Variants in CMTM8 observed in about 807,000 individuals in gnomAD.
The protein encoded by CMTM8 is CKLF-like MARVEL transmembrane domain-containing protein 8.
Under a neutral mutation model 18.6 loss-of-function variants are expected in CMTM8, and 12 were observed. The ratio of observed to expected loss-of-function variants is 0.65; its 90% CI spans 0.41 to 1.05. CMTM8 has a LOEUF of 1.05. Ranked by LOEUF, CMTM8 falls within the 50% of genes least tolerant of loss-of-function variation. The probability of loss-of-function intolerance (pLI) is 0.00; values close to 1 mark genes in which losing one functional copy is unlikely to be tolerated. For synonymous variants in CMTM8, 87 were observed against 90.6 expected (o/e 0.96, Z 0.23); for missense variants, 217 against 227.2 (o/e 0.95, Z 0.29).
At chr3:32,290,132 G>GAAAAT (rs1444938006) in intron 1 of CMTM8, among the ~76,000 whole-genome samples, 1 of 151,750 alleles carries the variant, frequency 6.6e-6, no homozygotes, top group African/African-American at 2.4e-5. Flanking sequence ...GAAAAGAAAA[G>GAAAAT]AAAAACAAAC....
intron 1 of CMTM8, among the ~76,000 whole-genome samples, chr3:32,308,049 A>T (rs1695750748): frequency 6.6e-6 from 1 of 152,226 alleles, no homozygotes; most frequent in African/African-American, 2.4e-5. Flanking sequence ...AGGAGAAGAG[A>T]GCAGAAAATA....
intron 1 of CMTM8, among the ~76,000 whole-genome samples, chr3:32,283,479 C>T (rs1052190568): frequency 3.9e-5 from 6 of 152,142 alleles, no homozygotes; most frequent in East Asian, 1.9e-4. Flanking sequence ...GCACGTCCCC[C>T]GGGAGTTAGC....
intron 2 of CMTM8, among the ~76,000 whole-genome samples, chr3:32,364,966 C>T (rs1389643203): frequency 2.6e-5 from 4 of 152,040 alleles, no homozygotes; most frequent in Non-Finnish European, 4.4e-5. Context: ...TTTTTCTTCT[C>T]CCCCTCCTCC....
At position 32,319,298 on chromosome 3, in the gene CMTM8, C is replaced by T. The variant is rs887091326; in HGVS notation, c.148-38075C>T. On this transcript the variant is annotated intron_variant, in intron 1 of 3. Coordinates refer to ENST00000307526, the MANE Select transcript of CMTM8 (RefSeq NM_178868.5). ...TTCACCATATTGGCCAGGCTGGTCT[C>T]GAACTCCTGACCTCAGGTGATCCGC... 4.0e-5 allele frequency among the ~76,000 whole-genome samples: 6 copies of T among 151,106 alleles called. No homozygotes were observed. The East Asian group carries it at 5.9e-4, about 15-fold the overall frequency.
chr3:32,310,178 G>A (rs940666389), intron 1 of CMTM8, among the ~76,000 whole-genome samples: 4 of 151,708 alleles, frequency 2.6e-5, no homozygotes, highest in Non-Finnish European at 5.9e-5. Context: ...TCTGTAAATC[G>A]AATTTATCAA....
At chr3:32,254,677 T>C (rs937699247) in intron 1 of CMTM8, among the ~76,000 whole-genome samples, 2 of 152,082 alleles carry the variant, frequency 1.3e-5, no homozygotes, top group Non-Finnish European at 2.9e-5. Context: ...TCCTTACCTA[T>C]TCCTGGCCAC....
At chr3:32,338,172 C>T (rs908785266) in intron 1 of CMTM8, among the ~76,000 whole-genome samples, 6 of 151,906 alleles carry the variant, frequency 3.9e-5, no homozygotes, top group Admixed American at 1.3e-4. Context: ...TTAGCAGAGA[C>T]GGGGTTTCAC....
rs941969383 is a variant in CMTM8, at chr3:32,369,808, A to T, written c.439-76A>T. On this transcript the variant is annotated intron_variant, in intron 3 of 3. Coordinates refer to ENST00000307526, the MANE Select transcript of CMTM8 (RefSeq NM_178868.5). ...GAAAAGGTAGTGAGTGGGTGATTCA[A>T]TGGAGGTGAAATGATAACTTTTGCT... The T allele has an allele frequency of 1.5e-5, 13 of 887,208 alleles. No individual in the cohort carries two copies. In the East Asian group the frequency reaches 2.3e-4, roughly 15 times the overall value. The allele number at this position is 887,208 out of a possible 1,614,324, so 55.0% of individuals were successfully genotyped here.
intron 1 of CMTM8, among the ~76,000 whole-genome samples, chr3:32,300,975 AT>A (rs34163874): frequency 0.26 from 39,355 of 148,814 alleles, 5,183 homozygotes; most frequent in Admixed American, 0.34. Context: ...AAAAAAAAAA[AT>A]CTTTTAATTT....
chr3:32,297,841 G>C (rs563095501), intron 1 of CMTM8, among the ~76,000 whole-genome samples: 2 of 151,922 alleles, frequency 1.3e-5, no homozygotes, highest in African/African-American at 4.8e-5. Context: ...TTGTGTGTGG[G>C]AAGGATTTGG....
chr3:32,305,124 A>G lies in CMTM8; in HGVS notation c.148-52249A>G, dbSNP rs867791910. 6.6e-5 allele frequency among the ~76,000 whole-genome samples: 10 copies of G among 152,292 alleles called. No individual in the cohort carries two copies. The Middle Eastern group carries it at 0.01, about 155-fold the overall frequency. On this transcript the variant is annotated intron_variant, in intron 1 of 3. Transcript: ENST00000307526. ...TGTTTCAAACATATTAAATGTTTCTACAAAGCCATCTTCGAGTTGTGGCTT... is the reference window on the plus strand; with the variant it reads ...TGTTTCAAACATATTAAATGTTTCTGCAAAGCCATCTTCGAGTTGTGGCTT...
intron 1 of CMTM8, among the ~76,000 whole-genome samples, chr3:32,330,311 G>A (rs988991431): frequency 2.0e-5 from 3 of 150,626 alleles, no homozygotes; most frequent in Non-Finnish European, 4.4e-5. Flanking sequence ...AAAGCCACAG[G>A]CCCCATGCTT....
At chr3:32,352,870 G>T (rs865812413) in intron 1 of CMTM8, among the ~76,000 whole-genome samples, 2 of 37,010 alleles carry the variant, frequency 5.4e-5, no homozygotes, top group South Asian at 4.8e-3. Flanking sequence ...TAAAACATAG[G>T]TTCTGTTTTT....
At chr3:32,330,419 C>T (rs1157347923) in intron 1 of CMTM8, among the ~76,000 whole-genome samples, 3 of 152,008 alleles carry the variant, frequency 2.0e-5, no homozygotes, top group African/African-American at 7.3e-5. Context: ...CTGTAGTGAA[C>T]TATAATCTCA....
chr3:32,255,792 T>G (rs77045717), intron 1 of CMTM8, among the ~76,000 whole-genome samples: 6,397 of 152,202 alleles, frequency 0.042, 473 homozygotes, highest in East Asian at 0.32. Flanking sequence ...TGACATGATC[T>G]TGGCTCACTG....
chr3:32,351,145 C>T (rs978717080), intron 1 of CMTM8, among the ~76,000 whole-genome samples: 23 of 152,128 alleles, frequency 1.5e-4, no homozygotes, highest in African/African-American at 5.1e-4. Flanking sequence ...AGCAGATGAA[C>T]ATGGGTGAAT....
intron 1 of CMTM8, among the ~76,000 whole-genome samples, chr3:32,337,083 C>A (rs1470923119): frequency 2.0e-5 from 3 of 152,078 alleles, no homozygotes; most frequent in Non-Finnish European, 4.4e-5. Flanking sequence ...TGATAACAAA[C>A]CTCCTCCCGA....
intron 1 of CMTM8, among the ~76,000 whole-genome samples, chr3:32,340,131 G>A (rs1012806502): frequency 6.6e-6 from 1 of 152,152 alleles, no homozygotes; most frequent in Non-Finnish European, 1.5e-5. Context: ...GGTACTAATG[G>A]GTGAGAGTCC....
In CMTM8 at chr3:32,239,132, G is replaced by A. The variant is rs1275851877; in HGVS notation, c.147+13G>A. 1 of 1,590,078 alleles carries A rather than the reference G, an allele frequency of 6.3e-7. No homozygotes were observed. Among genetic ancestry groups the A allele is most frequent in the Non-Finnish European group, 8.6e-7 (1 of 1,169,000 alleles). ...CGTGGCCGAGATCGTGAGTGCCGACGGGCCGGGGGTGGCGGGGGGCTCAGC... is the reference window on the plus strand; with the variant it reads ...CGTGGCCGAGATCGTGAGTGCCGACAGGCCGGGGGTGGCGGGGGGCTCAGC... On this transcript the variant is annotated intron_variant, in intron 1 of 3. Transcript: ENST00000307526.
Sources: gnomAD v4.1 joint callset for allele counts (sites outside exome capture counted in the v4.1 genomes callset) on GRCh38, gnomAD v4.1.1 for gene constraint, MANE v1.5 for transcripts, NCBI Gene and HGNC (gene_info 2026-07-23, HGNC 2026-07-21) for gene names.